The following CNOT10 variants were observed in gnomAD, a reference collection of about 807,000 sequenced individuals.
The protein encoded by CNOT10 is CCR4-NOT transcription complex, subunit 10.
Under a neutral mutation model 94.6 loss-of-function variants are expected in CNOT10, and 30 were observed. That is an observed-to-expected ratio of 0.32 (90% CI 0.24 to 0.43). The LOEUF (loss-of-function observed/expected upper bound fraction) is 0.43, where lower values mean the gene tolerates loss of function less well. Among genes scored for constraint, CNOT10 ranks in the 20% least tolerant of loss-of-function variants. CNOT10 has a pLI of 1.00. For synonymous variants in CNOT10, 289 were observed against 301.6 expected (o/e 0.96, Z 0.43); for missense variants, 759 against 877.2 (o/e 0.87, Z 1.70).
At chr3:32,708,579 G>C (rs544608980) in intron 3 of CNOT10, 91 bp from the exon 4 acceptor site, 10 of 1,052,286 alleles carry the variant, frequency 9.5e-6, no homozygotes, top group Non-Finnish European at 1.4e-5. Context: ...AAGAATGTTG[G>C]CCTATGTTCC....
At chr3:32,723,391 C>CAA (rs1192223954) in intron 8 of CNOT10, among the ~76,000 whole-genome samples, 3 of 80,378 alleles carry the variant, frequency 3.7e-5, no homozygotes, top group East Asian at 3.4e-4. Flanking sequence ...GACTCCGTCT[C>CAA]AAAAAAAAAA....
chr3:32,759,780 G>A (rs1207419076), intron 14 of CNOT10, among the ~76,000 whole-genome samples: 4 of 152,066 alleles, frequency 2.6e-5, no homozygotes, highest in South Asian at 2.1e-4. Flanking sequence ...CAAAAACTTC[G>A]GACTCTAGTG....
At chr3:32,747,538 ATTTC>A (rs1278861644) in intron 13 of CNOT10, among the ~76,000 whole-genome samples, 1 of 151,820 alleles carries the variant, frequency 6.6e-6, no homozygotes, top group Non-Finnish European at 1.5e-5. Flanking sequence ...CTTCAATTAT[ATTTC>A]TTCCTTTTTT....
At chr3:32,764,318 C>G in intron 15 of CNOT10, 137 bp from the exon 16 acceptor site, 1 of 801,460 alleles carries the variant, frequency 1.2e-6, no homozygotes, top group Non-Finnish European at 1.9e-6. Flanking sequence ...GCCTGGGCAA[C>G]AGAGCGAGGC....
At chr3:32,736,687 A>C (rs1045943508) in intron 12 of CNOT10, among the ~76,000 whole-genome samples, 40 of 152,150 alleles carry the variant, frequency 2.6e-4, no homozygotes, top group Non-Finnish European at 1.5e-4. Context: ...GTGTAGGAGG[A>C]TCGCCTGAGC....
rs745959665 is a variant in CNOT10, at chr3:32,773,500, G to T, written c.2124G>T (p.Leu708=). 1.9e-6 allele frequency: 3 copies of T among 1,614,020 alleles called. No homozygotes were observed. In the South Asian group the frequency reaches 3.3e-5, roughly 18 times the overall value. Reference sequence around the variant, plus strand: ...TACAGATCATCAAAAGGAATCAGCTGCTCCCTGCAGTGAAAACACACTCTG... The same window carrying T: ...TACAGATCATCAAAAGGAATCAGCTTCTCCCTGCAGTGAAAACACACTCTG... The part of the protein sequence containing the change: ...LALQIIKRNQ[L]LPAVKTHSEV... The change falls in exon 19 of 19, where the codon CTG becomes CTT. Residue 708 remains leucine, a synonymous_variant. Transcript: ENST00000328834.
intron 13 of CNOT10, among the ~76,000 whole-genome samples, chr3:32,756,381 G>A (rs1345018428): frequency 1.3e-5 from 2 of 152,082 alleles, no homozygotes; most frequent in African/African-American, 4.8e-5. Flanking sequence ...ATTATAGTTT[G>A]GGCTTCCTGG....
intron 13 of CNOT10, among the ~76,000 whole-genome samples, chr3:32,738,663 C>T (rs759733283): frequency 9.2e-5 from 14 of 151,962 alleles, no homozygotes; most frequent in Admixed American, 2.6e-4. Flanking sequence ...AGGGTTTCAC[C>T]GTGTTAGCCA....
intron 8 of CNOT10, among the ~76,000 whole-genome samples, chr3:32,725,047 A>C (rs1485067018): frequency 6.6e-6 from 1 of 152,138 alleles, no homozygotes; most frequent in Non-Finnish European, 1.5e-5. Flanking sequence ...CAGTTACTAA[A>C]AATTAGCTGG....
At chr3:32,767,818 T>G (rs567737092) in intron 17 of CNOT10, among the ~76,000 whole-genome samples, 35 of 152,232 alleles carry the variant, frequency 2.3e-4, no homozygotes, top group African/African-American at 7.9e-4. Flanking sequence ...GCAGCCCCTC[T>G]CAAAGTGCCC....
At chr3:32,737,005 CT>C (rs958389690) in intron 12 of CNOT10, among the ~76,000 whole-genome samples, 4 of 152,112 alleles carry the variant, frequency 2.6e-5, no homozygotes, top group African/African-American at 9.7e-5. Context: ...CTCTTTTACA[CT>C]TTTGTTGTAA....
chr3:32,763,448 C>G (rs1559518479), intron 15 of CNOT10, among the ~76,000 whole-genome samples: 1 of 152,010 alleles, frequency 6.6e-6, no homozygotes, highest in Non-Finnish European at 1.5e-5. Context: ...GTCAGGAGTT[C>G]AAGACCAGCC....
chr3:32,712,865 G>A (rs748831169), intron 4 of CNOT10, among the ~76,000 whole-genome samples: 3 of 152,142 alleles, frequency 2.0e-5, no homozygotes, highest in African/African-American at 7.2e-5. Flanking sequence ...TTGGATTTTG[G>A]AGGATTACAA....
intron 18 of CNOT10, among the ~76,000 whole-genome samples, chr3:32,772,104 AC>A (rs1049542966): frequency 3.3e-5 from 5 of 152,156 alleles, no homozygotes; most frequent in African/African-American, 1.2e-4. Flanking sequence ...TAATCCCAAC[AC>A]TTTGGGAGGC....
intron 8 of CNOT10, among the ~76,000 whole-genome samples, chr3:32,723,555 A>G (rs1313536594): frequency 1.3e-5 from 2 of 152,198 alleles, no homozygotes; most frequent in East Asian, 1.9e-4. Context: ...TTGAGTAAAC[A>G]TTTTCCAAAA....
chr3:32,698,232 T>TGTCG (rs1697170748), intron 1 of CNOT10, among the ~76,000 whole-genome samples: 1 of 152,234 alleles, frequency 6.6e-6, no homozygotes, highest in African/African-American at 2.4e-5. Context: ...TCCTCCTCCC[T>TGTCG]GTCGTATGCT....
chr3:32,687,464 T>TTTTTTTTTTTTG (rs1559471812), intron 1 of CNOT10, among the ~76,000 whole-genome samples: 1 of 67,982 alleles, frequency 1.5e-5, no homozygotes, highest in African/African-American at 6.6e-5. Context: ...TTTTTTTTTT[T>TTTTTTTTTTTTG]TTTTTGAGAC....
chr3:32,703,664 A>G, intron 1 of CNOT10: 1 of 493,832 alleles, frequency 2.0e-6, no homozygotes, highest in Non-Finnish European at 3.6e-6. Context: ...ACAGAGCGGG[A>G]CACTGCAGGA....
At chr3:32,750,409 T>C (rs1321742023) in intron 13 of CNOT10, among the ~76,000 whole-genome samples, 2 of 151,864 alleles carry the variant, frequency 1.3e-5, no homozygotes, top group East Asian at 2.0e-4. Context: ...ACAGAATTGC[T>C]TGAACCCCGG....
Sources: gnomAD v4.1 joint callset for allele counts (sites outside exome capture counted in the v4.1 genomes callset) on GRCh38, gnomAD v4.1.1 for gene constraint, MANE v1.5 for transcripts, NCBI Gene and HGNC (gene_info 2026-07-23, HGNC 2026-07-21) for gene names.